IGF2R: variants seen among roughly 807,000 people sequenced by gnomAD.
IGF2R encodes the protein insulin like growth factor 2 receptor, also known as cation-independent mannose-6-phosphate receptor.
A neutral mutation model predicts 270.6 loss-of-function variants in IGF2R; 91 were observed. That is an observed-to-expected ratio of 0.34 (90% confidence interval 0.28 to 0.40). IGF2R has a LOEUF of 0.40. IGF2R is among the 10% of genes least tolerant of loss of function. IGF2R has a pLI of 1.00. For synonymous variants in IGF2R, 1,316 were observed against 1,258.9 expected, an observed-to-expected ratio of 1.05 and a Z score of -0.96; for missense variants, 2,805 against 3,188.3, an observed-to-expected ratio of 0.88 and a Z score of 2.90.
At chr6:159,983,487 A>T (rs73594470) in intron 1 of IGF2R, among the ~76,000 whole-genome samples, 5 of 152,206 alleles carry the variant, frequency 3.3e-5, no homozygotes, top group African/African-American at 1.2e-4. Context: ...GGAGCAAAAC[A>T]GTATCTGAGC....
chr6:160,002,104 A>C (rs1431189718), intron 2 of IGF2R, among the ~76,000 whole-genome samples: 3 of 152,158 alleles, frequency 2.0e-5, no homozygotes, highest in Non-Finnish European at 4.4e-5. Flanking sequence ...ATATTAAGAA[A>C]ATCAGGCCGG....
chr6:160,043,067 T>G (rs776832208), intron 11 of IGF2R, 81 bp from the exon 12 acceptor site: 2 of 1,493,410 alleles, frequency 1.3e-6, no homozygotes, highest in Non-Finnish European at 1.8e-6. Flanking sequence ...GCCCTTGACT[T>G]TTGGCTTAAT....
intron 45 of IGF2R, among the ~76,000 whole-genome samples, chr6:160,097,526 C>T (rs1779390987): frequency 6.6e-6 from 1 of 152,174 alleles, no homozygotes; most frequent in African/African-American, 2.4e-5. Flanking sequence ...GATGGGGTTT[C>T]ACCATGTTGA....
rs185469319 is a variant in IGF2R at position 160,002,349 on chromosome 6, C to T, written c.290-6661C>T. 9.2e-5 allele frequency among the ~76,000 whole-genome samples: 14 copies of T among 152,322 alleles called. No homozygotes were observed. In the East Asian group the frequency reaches 2.7e-3, roughly 29 times the overall value. On this transcript the variant is annotated intron_variant, in intron 2 of 47. Coordinates refer to ENST00000356956, the MANE Select transcript of IGF2R (RefSeq NM_000876.4). ...GAGGCCTCAATGAGCTGTAATCAGG[C>T]CACTGTACTCCTGCCTAGGTAAGAG... is the stretch of plus-strand genomic sequence containing the variant.
intron 4 of IGF2R, among the ~76,000 whole-genome samples, chr6:160,018,218 C>T (rs1275110691): frequency 5.3e-5 from 8 of 151,802 alleles, no homozygotes; most frequent in Admixed American, 5.3e-4. Flanking sequence ...CCCACCTATA[C>T]TTAGATAAAA....
At chr6:160,014,378 A>G (rs1158583252) in intron 4 of IGF2R, among the ~76,000 whole-genome samples, 1 of 152,202 alleles carries the variant, frequency 6.6e-6, no homozygotes, top group Non-Finnish European at 1.5e-5. Context: ...TTGCTGTAGC[A>G]GGAAGTGGGA....
In IGF2R at chr6:159,973,312, T is replaced by C. The variant is rs186456395; in HGVS notation, c.149+3917T>C. Among the ~76,000 whole-genome samples, 5 of 152,320 alleles carry C rather than the reference T, an allele frequency of 3.3e-5. No individual in the cohort carries two copies. In the East Asian group the frequency reaches 9.6e-4, roughly 29 times the overall value. ...CAAGTTTCCACCCTTTAGTTAGGTG[T>C]TAACAAGATGCTTAATGGGTGAGGT... On this transcript the variant is annotated intron_variant, in intron 1 of 47. Coordinates refer to ENST00000356956, the MANE Select transcript of IGF2R (RefSeq NM_000876.4).
chr6:160,024,359 C>T (rs528728071), intron 4 of IGF2R, among the ~76,000 whole-genome samples: 1 of 152,180 alleles, frequency 6.6e-6, no homozygotes, highest in East Asian at 1.9e-4. Context: ...GAGATGATTG[C>T]ACAACAGTCC....
At chr6:160,079,405 G>A (rs1412019135) in intron 37 of IGF2R, among the ~76,000 whole-genome samples, 175 bp from the exon 38 acceptor site, 2 of 152,178 alleles carry the variant, frequency 1.3e-5, no homozygotes, top group Admixed American at 6.5e-5. Context: ...GGTTGGGGGA[G>A]GCCCCCCAGG....
chr6:160,105,061 G>A lies in IGF2R; in HGVS notation c.7453G>A (p.Asp2485Asn), dbSNP rs375117972. ...TKLVSFHDDS[D>N]EDLLHI ...GCTGGTGTCCTTCCATGACGACAGC[G>A]ACGAGGACCTCTTACACATCTGACT... The change falls in exon 48 of 48, where the codon GAC becomes AAC. Residue 2485 changes from aspartate (D) to asparagine (N), a missense_variant. Asp to Asn is a conservative substitution (Grantham distance 23). Coordinates refer to ENST00000356956, the MANE Select transcript of IGF2R (RefSeq NM_000876.4). 3.1e-6 allele frequency: 5 copies of A among 1,597,698 alleles called. No homozygotes were observed. The highest frequency in any genetic ancestry group is 2.7e-5 in the African/African-American group (2 of 74,748).
intron 26 of IGF2R, among the ~76,000 whole-genome samples, chr6:160,063,157 C>T (rs905832636): frequency 7.9e-5 from 12 of 151,472 alleles, no homozygotes; most frequent in African/African-American, 2.9e-4. Context: ...CCTGCCTCAG[C>T]CTCCTGAGTA....
chr6:159,993,407 A>G (rs976227424), intron 2 of IGF2R, among the ~76,000 whole-genome samples: 4 of 152,080 alleles, frequency 2.6e-5, no homozygotes, highest in Non-Finnish European at 5.9e-5. Context: ...ATGGTGAGAG[A>G]TAGGGTTCTA....
At chr6:160,046,856 G>A (rs1778079227) in intron 15 of IGF2R, among the ~76,000 whole-genome samples, 1 of 152,218 alleles carries the variant, frequency 6.6e-6, no homozygotes, top group South Asian at 2.1e-4. Context: ...GTGGATTGAG[G>A]TTATGCCTCA....
At chr6:160,071,295 C>T (rs11967727) in intron 31 of IGF2R, among the ~76,000 whole-genome samples, 1 of 117,536 alleles carries the variant, frequency 8.5e-6, no homozygotes, top group Non-Finnish European at 1.8e-5. Context: ...GGGGGTGTGT[C>T]GAGGCCCCTG....
At chr6:159,971,216 T>C (rs1783603860) in intron 1 of IGF2R, among the ~76,000 whole-genome samples, 1 of 152,254 alleles carries the variant, frequency 6.6e-6, no homozygotes, top group Non-Finnish European at 1.5e-5. Flanking sequence ...ACTGATACTT[T>C]GGCTGATTGA....
At chr6:160,053,280 G>T (rs552383346) in intron 19 of IGF2R, among the ~76,000 whole-genome samples, 138 of 152,246 alleles carry the variant, frequency 9.1e-4, no homozygotes, top group Non-Finnish European at 1.6e-3. Flanking sequence ...GGGGCTGGGG[G>T]GGAGGGATAG....
At chr6:160,052,089 C>G (rs535627958) in intron 19 of IGF2R, among the ~76,000 whole-genome samples, 11 of 150,706 alleles carry the variant, frequency 7.3e-5, no homozygotes, top group African/African-American at 2.7e-4. Flanking sequence ...GTAGTCCTGG[C>G]TACTTGGGAG....
In IGF2R at chr6:160,051,884, C is replaced by G. The variant is rs111286998; in HGVS notation, c.2694+1232C>G. 6.0e-3 allele frequency among the ~76,000 whole-genome samples: 915 copies of G among 152,056 alleles called. 10 individuals are homozygous for G. The highest frequency in any genetic ancestry group is 0.02 in the African/African-American group (848 of 41,450). On this transcript the variant is annotated intron_variant, in intron 19 of 47. Coordinates refer to ENST00000356956, the MANE Select transcript of IGF2R (RefSeq NM_000876.4). ...GGCTGAGGCAGGAGGATTCCTTGAG[C>G]CCAGGAGGTTGAGGATTCAGTGAGC...
At position 160,105,537 on chromosome 6, in the gene IGF2R, A is replaced by T. The variant is rs1311791394; in HGVS notation, c.*453A>T. ...AAAACAGCCACCGTTTCTTCCTGCCAGCAGGGGTGTGATGTACCAGTTTGT... is the reference window on the plus strand; with the variant it reads ...AAAACAGCCACCGTTTCTTCCTGCCTGCAGGGGTGTGATGTACCAGTTTGT... On this transcript the variant is annotated 3_prime_UTR_variant, in exon 48 of 48. Coordinates refer to ENST00000356956, the MANE Select transcript of IGF2R (RefSeq NM_000876.4). The T allele has an allele frequency of 6.4e-6, 1 of 156,938 alleles. No individual in the cohort carries two copies. Among genetic ancestry groups the T allele is most frequent in the East Asian group, 1.9e-4 (1 of 5,278 alleles). The allele number at this position is 156,938 out of a possible 1,614,324, so 9.7% of individuals were successfully genotyped here.
Sources: allele counts gnomAD v4.1 joint callset (sites outside exome capture counted in the v4.1 genomes callset), GRCh38; gene constraint gnomAD v4.1.1; transcripts MANE v1.5; gene names NCBI Gene and HGNC (gene_info 2026-07-23, HGNC 2026-07-21).